Variants in PRKG1 observed in about 807,000 individuals in gnomAD.
PRKG1 encodes the protein protein kinase cGMP-dependent 1, also known as cGMP-dependent protein kinase 1.
In PRKG1, 35 loss-of-function variants were observed where a neutral mutation model predicts 88.1. That is an observed-to-expected ratio of 0.40 (90% CI 0.30 to 0.53). The LOEUF (loss-of-function observed/expected upper bound fraction) is 0.53. PRKG1 is among the 20% of genes least tolerant of loss of function. The pLI is 0.59. For synonymous variants in PRKG1, 303 were observed against 292.5 expected, an observed-to-expected ratio of 1.04 and a Z score of -0.37; for missense variants, 540 against 839.8, an observed-to-expected ratio of 0.64 and a Z score of 4.41.
chr10:51,914,747 T>C (rs1377539207), intron 5 of PRKG1, among the ~76,000 whole-genome samples: 2 of 152,336 alleles, frequency 1.3e-5, no homozygotes, highest in Admixed American at 6.5e-5. Context: ...AAACATTTCA[T>C]CCTAACTTAT....
intron 1 of PRKG1, among the ~76,000 whole-genome samples, chr10:51,023,460 G>A (rs1843165429): frequency 6.6e-6 from 1 of 152,054 alleles, no homozygotes; most frequent in Admixed American, 6.6e-5. Context: ...TGAGAAGTTT[G>A]GTACAATAAC....
chr10:52,242,511 G>C (rs576016773), intron 9 of PRKG1, among the ~76,000 whole-genome samples: 1 of 152,260 alleles, frequency 6.6e-6, no homozygotes, highest in South Asian at 2.1e-4. Flanking sequence ...TTTCATTATG[G>C]CCAATGATTC....
chr10:51,602,286 G>A (rs1838627263), intron 3 of PRKG1, among the ~76,000 whole-genome samples: 1 of 151,966 alleles, frequency 6.6e-6, no homozygotes, highest in African/African-American at 2.4e-5. Context: ...TGTTTATATC[G>A]AACACTAGAC....
At chr10:51,864,953 G>A (rs1840977088) in intron 4 of PRKG1, among the ~76,000 whole-genome samples, 1 of 152,014 alleles carries the variant, frequency 6.6e-6, no homozygotes, top group African/African-American at 2.4e-5. Context: ...ATCAATTAAG[G>A]TGTGCTCTTG....
chr10:51,110,271 G>A (rs1026372318), intron 1 of PRKG1, among the ~76,000 whole-genome samples: 1 of 152,066 alleles, frequency 6.6e-6, no homozygotes, highest in Non-Finnish European at 1.5e-5. Context: ...AGATTTATTT[G>A]TAATAGCTAG....
At chr10:51,443,794 C>G (rs1356089839) in intron 2 of PRKG1, among the ~76,000 whole-genome samples, 1 of 151,956 alleles carries the variant, frequency 6.6e-6, no homozygotes, top group Non-Finnish European at 1.5e-5. Context: ...GTTTACATAA[C>G]CTGGCCTGGG....
At chr10:52,100,843 G>A (rs900052590) in intron 7 of PRKG1, among the ~76,000 whole-genome samples, 4 of 152,144 alleles carry the variant, frequency 2.6e-5, no homozygotes, top group African/African-American at 9.7e-5. Flanking sequence ...ATGAAAACAA[G>A]TAAAGGATTA....
rs867740998 is a variant in PRKG1 at position 51,650,408 on chromosome 10, T to C, written c.593-154177T>C. Among the ~76,000 whole-genome samples, 17 of 152,338 alleles carry C rather than the reference T, an allele frequency of 1.1e-4. No individual in the cohort carries two copies. The Middle Eastern group carries it at 0.01, about 91-fold the overall frequency. On this transcript the variant is annotated intron_variant, in intron 3 of 17. Coordinates refer to ENST00000373980, the MANE Select transcript of PRKG1 (RefSeq NM_006258.4). ...TATCCCCTACATACTAAGCATAGTA[T>C]CTTTTCATGTGAGTTAGAGAAAAAA... is the stretch of plus-strand genomic sequence containing the variant.
intron 4 of PRKG1, among the ~76,000 whole-genome samples, chr10:51,838,519 T>A (rs2132769289): frequency 6.6e-6 from 1 of 152,344 alleles, no homozygotes; most frequent in South Asian, 2.1e-4. Context: ...TCTCCTGTAC[T>A]TATTTTTAAA....
At position 51,185,729 on chromosome 10, in the gene PRKG1, A is replaced by G. The variant is rs917284703; in HGVS notation, c.478+32399A>G. 1.9e-4 allele frequency among the ~76,000 whole-genome samples: 29 copies of G among 151,946 alleles called. No homozygotes were observed. In the East Asian group the frequency reaches 2.5e-3, roughly 13 times the overall value. ...TACAACATAGTTTTAATGATTGCAT[A>G]GTATTCTATAGTGTAAATATAATGG... On this transcript the variant is annotated intron_variant, in intron 2 of 17. Coordinates refer to ENST00000373980, the MANE Select transcript of PRKG1 (RefSeq NM_006258.4).
At chr10:51,193,296 G>C (rs1033491747) in intron 2 of PRKG1, among the ~76,000 whole-genome samples, 1 of 151,932 alleles carries the variant, frequency 6.6e-6, no homozygotes, top group Admixed American at 6.6e-5. Flanking sequence ...ATCACCTGGA[G>C]GTACTGTTGA....
intron 4 of PRKG1, among the ~76,000 whole-genome samples, chr10:51,884,025 CAAAAAAAAAA>C: frequency 9.4e-6 from 1 of 106,086 alleles, no homozygotes; most frequent in East Asian, 3.2e-4. Context: ...TTTTATTTTT[CAAAAAAAAAA>C]AAAAAAAAAA....
At chr10:52,170,957 A>T (rs2132708501) in intron 9 of PRKG1, among the ~76,000 whole-genome samples, 1 of 152,304 alleles carries the variant, frequency 6.6e-6, no homozygotes, top group South Asian at 2.1e-4. Context: ...AAAGCACCTG[A>T]GGCTATGTAA....
intron 1 of PRKG1, among the ~76,000 whole-genome samples, chr10:51,110,567 G>A (rs1272649017): frequency 6.6e-6 from 1 of 152,084 alleles, no homozygotes; most frequent in African/African-American, 2.4e-5. Context: ...CAAAGTGTCA[G>A]GAGGAAACCT....
At chr10:51,283,926 T>C (rs2132207810) in intron 2 of PRKG1, among the ~76,000 whole-genome samples, 1 of 152,128 alleles carries the variant, frequency 6.6e-6, no homozygotes, top group East Asian at 1.9e-4. Flanking sequence ...AAGTAGTCAA[T>C]AAAGAAGTGA....
chr10:51,768,804 C>CT (rs1186177558), intron 3 of PRKG1, among the ~76,000 whole-genome samples: 1 of 152,060 alleles, frequency 6.6e-6, no homozygotes, highest in Non-Finnish European at 1.5e-5. Flanking sequence ...TAAAATGCCC[C>CT]TTTTTTGTCT....
At chr10:52,185,754 C>T (rs533241183) in intron 9 of PRKG1, among the ~76,000 whole-genome samples, 46 of 152,348 alleles carry the variant, frequency 3.0e-4, no homozygotes, top group Non-Finnish European at 4.3e-4. Flanking sequence ...GCATTTCGTG[C>T]ACCTGCTGAC....
chr10:51,301,798 A>G (rs1840894821), intron 2 of PRKG1, among the ~76,000 whole-genome samples: 1 of 152,184 alleles, frequency 6.6e-6, no homozygotes, highest in Non-Finnish European at 1.5e-5. Context: ...GCCACTGGAC[A>G]TTGCAGGTTT....
At chr10:51,752,776 C>T (rs984939323) in intron 3 of PRKG1, among the ~76,000 whole-genome samples, 4 of 152,006 alleles carry the variant, frequency 2.6e-5, no homozygotes, top group East Asian at 3.8e-4. Flanking sequence ...CTGTATACTT[C>T]GTAGAGTGAG....
Sources: gnomAD v4.1 joint callset for allele counts (sites outside exome capture counted in the v4.1 genomes callset) on GRCh38, gnomAD v4.1.1 for gene constraint, MANE v1.5 for transcripts, NCBI Gene and HGNC (gene_info 2026-07-23, HGNC 2026-07-21) for gene names.